JAKMIP2: variants seen among roughly 807,000 people sequenced by gnomAD.
JAKMIP2 encodes janus kinase and microtubule interacting protein 2.
A neutral mutation model predicts 115.0 loss-of-function variants in JAKMIP2; 25 were observed. The ratio of observed to expected loss-of-function variants is 0.22; its 90% CI spans 0.16 to 0.30. The LOEUF is 0.30. Among genes scored for constraint, JAKMIP2 ranks in the 10% least tolerant of loss-of-function variants. The probability of loss-of-function intolerance (pLI) is 1.00; values close to 1 mark genes in which losing one functional copy is unlikely to be tolerated. For synonymous variants in JAKMIP2, 334 were observed against 343.6 expected (o/e 0.97, Z 0.31); for missense variants, 642 against 957.6 (o/e 0.67, Z 4.35).
rs1416614660 is a variant in JAKMIP2 at position 147,723,872 on chromosome 5, AC to A, written c.-148-51919del. Among the ~76,000 whole-genome samples, 5 of 152,092 alleles carry A rather than the reference AC, an allele frequency of 3.3e-5. No homozygotes were observed. In the East Asian group the frequency reaches 9.7e-4, roughly 29 times the overall value. ...TTACAAAATATAATGAATGTGTAAA[AC>A]CCCCAAAGAGAGATGTATAACGTAC... is the stretch of plus-strand genomic sequence containing the variant. On this transcript the variant is annotated intron_variant, in intron 1 of 21. Transcript: ENST00000616793.
At chr5:147,732,024 G>A (rs1335656618) in intron 1 of JAKMIP2, among the ~76,000 whole-genome samples, 1 of 152,152 alleles carries the variant, frequency 6.6e-6, no homozygotes, top group African/African-American at 2.4e-5. Flanking sequence ...AGAAAATCTT[G>A]GAACATGTTG....
intron 1 of JAKMIP2, among the ~76,000 whole-genome samples, chr5:147,701,445 C>A (rs1000789494): frequency 6.6e-6 from 1 of 152,130 alleles, no homozygotes; most frequent in Non-Finnish European, 1.5e-5. Flanking sequence ...AAAATTCATA[C>A]GTTGAAATCT....
At chr5:147,716,662 C>T (rs1753013761) in intron 1 of JAKMIP2, among the ~76,000 whole-genome samples, 1 of 149,490 alleles carries the variant, frequency 6.7e-6, no homozygotes, top group African/African-American at 2.4e-5. Context: ...AGTGTCTGTT[C>T]ATGTCCTTCG....
At chr5:147,646,234 G>A (rs536856953) in intron 5 of JAKMIP2, among the ~76,000 whole-genome samples, 5 of 152,142 alleles carry the variant, frequency 3.3e-5, no homozygotes, top group East Asian at 1.9e-4. Flanking sequence ...TCTCAATTTC[G>A]TATTAAAGAA....
chr5:147,631,448 C>A lies in JAKMIP2; in HGVS notation c.1840G>T (p.Ala614Ser). 1.2e-6 allele frequency: 2 copies of A among 1,611,714 alleles called. No homozygotes were observed. Among genetic ancestry groups the A allele is most frequent in the Non-Finnish European group, 1.7e-6 (2 of 1,178,002 alleles). The stretch of plus-strand genomic sequence containing the variant: ...TCTTTCATACAGTAGATCTGTAGAG[C>A]ACTCACACCATCTGAGAATGGGTGA... The part of the protein sequence containing the change: ...QIHPFSDGVS[A>S]LQIYCMKEGV... The change falls in exon 14 of 22, where the codon GCT (alanine) becomes TCT (serine). Residue 614 changes from alanine to serine, a missense_variant. Transcript: ENST00000616793.
At chr5:147,709,115 CT>C (rs1324667687) in intron 1 of JAKMIP2, among the ~76,000 whole-genome samples, 1 of 152,152 alleles carries the variant, frequency 6.6e-6, no homozygotes, top group East Asian at 1.9e-4. Context: ...ATAAATTTTA[CT>C]TGCTTTGTTC....
chr5:147,684,195 A>C (rs202097959), intron 1 of JAKMIP2, among the ~76,000 whole-genome samples: 1 of 151,962 alleles, frequency 6.6e-6, no homozygotes. Context: ...CAGACCATCA[A>C]CTAACTTTTA....
chr5:147,656,571 A>C (rs1281034175), intron 3 of JAKMIP2, among the ~76,000 whole-genome samples: 3 of 152,110 alleles, frequency 2.0e-5, no homozygotes, highest in African/African-American at 4.8e-5. Flanking sequence ...TTTTGAGCTT[A>C]CATGTGTCTT....
intron 1 of JAKMIP2, among the ~76,000 whole-genome samples, chr5:147,772,745 A>C (rs1034383033): frequency 3.3e-5 from 5 of 152,114 alleles, no homozygotes; most frequent in African/African-American, 1.2e-4. Flanking sequence ...ACTGTGCTAC[A>C]TAATCAGACA....
chr5:147,700,491 T>A (rs1163347591), intron 1 of JAKMIP2, among the ~76,000 whole-genome samples: 2 of 152,168 alleles, frequency 1.3e-5, no homozygotes, highest in South Asian at 4.1e-4. Flanking sequence ...GAAAGGCTAA[T>A]ATATGTCTCA....
At chr5:147,721,063 T>C (rs1378254244) in intron 1 of JAKMIP2, among the ~76,000 whole-genome samples, 2 of 152,112 alleles carry the variant, frequency 1.3e-5, no homozygotes, top group African/African-American at 4.8e-5. Flanking sequence ...GTTTTCCTTG[T>C]AACAGACAGG....
chr5:147,764,914 GAA>G (rs1212768883), intron 1 of JAKMIP2, among the ~76,000 whole-genome samples: 6 of 89,098 alleles, frequency 6.7e-5, no homozygotes, highest in East Asian at 4.7e-4. Flanking sequence ...AAGAAAGAAA[GAA>G]AGAAAGAGAG....
intron 21 of JAKMIP2, among the ~76,000 whole-genome samples, chr5:147,594,755 T>G (rs1755279257): frequency 6.6e-6 from 1 of 152,166 alleles, no homozygotes; most frequent in Non-Finnish European, 1.5e-5. Flanking sequence ...TCTGACACCT[T>G]CCACTCCTCA....
At chr5:147,772,627 A>T (rs1436323010) in intron 1 of JAKMIP2, among the ~76,000 whole-genome samples, 2 of 151,906 alleles carry the variant, frequency 1.3e-5, no homozygotes, top group Middle Eastern at 3.2e-3. Context: ...AGTGTGTTTT[A>T]AAAAATATTG....
intron 3 of JAKMIP2, among the ~76,000 whole-genome samples, chr5:147,654,827 A>G (rs770863326): frequency 1.3e-5 from 2 of 152,152 alleles, no homozygotes; most frequent in African/African-American, 2.4e-5. Context: ...TTTTCCATTC[A>G]GTATGATATT....
intron 1 of JAKMIP2, among the ~76,000 whole-genome samples, chr5:147,730,495 C>T (rs1402700647): frequency 6.6e-6 from 1 of 150,954 alleles, no homozygotes; most frequent in Admixed American, 6.6e-5. Context: ...CTCGCTCTGT[C>T]GCCAGGCTGG....
At chr5:147,744,375 T>G (rs1317587995) in intron 1 of JAKMIP2, among the ~76,000 whole-genome samples, 2 of 152,108 alleles carry the variant, frequency 1.3e-5, no homozygotes, top group African/African-American at 4.8e-5. Context: ...CTCTTAAAAG[T>G]TCACTGAACT....
At chr5:147,771,575 A>T (rs1755355258) in intron 1 of JAKMIP2, among the ~76,000 whole-genome samples, 1 of 152,084 alleles carries the variant, frequency 6.6e-6, no homozygotes, top group Admixed American at 6.6e-5. Flanking sequence ...AATGAAAGAT[A>T]CCTGTTGAGA....
intron 1 of JAKMIP2, among the ~76,000 whole-genome samples, chr5:147,716,029 A>G (rs370774569): frequency 7.7e-6 from 1 of 129,902 alleles, no homozygotes; most frequent in African/African-American, 3.0e-5. Context: ...AGAGTGTGAT[A>G]TTCCCCTTCC....
Sources: allele counts gnomAD v4.1 joint callset (sites outside exome capture counted in the v4.1 genomes callset), GRCh38; gene constraint gnomAD v4.1.1; transcripts MANE v1.5; gene names NCBI Gene and HGNC (gene_info 2026-07-23, HGNC 2026-07-21).